The following RPS6KA3 variants were observed in gnomAD, a reference collection of about 807,000 sequenced individuals.
RPS6KA3 encodes the protein ribosomal protein S6 kinase alpha-3.
RPS6KA3 carries 4 observed loss-of-function variants against 67.2 expected under a neutral mutation model. That is an observed-to-expected ratio of 0.06 (90% CI 0.03 to 0.14). The LOEUF is 0.14. RPS6KA3 is among the 10% of genes least tolerant of loss of function. The probability of loss-of-function intolerance (pLI) is 1.00; values close to 1 mark genes in which losing one functional copy is unlikely to be tolerated. For synonymous variants in RPS6KA3, 182 were observed against 183.7 expected, an observed-to-expected ratio of 0.99 and a Z score of 0.07; for missense variants, 204 against 559.0, an observed-to-expected ratio of 0.36 and a Z score of 6.40.
intron 10 of RPS6KA3, among the ~76,000 whole-genome samples, chrX:20,185,808 T>C (rs144834362): frequency 0.078 from 8,726 of 111,756 alleles, 851 homozygotes; most frequent in African/African-American, 0.27. Context: ...ACTATTAACA[T>C]GAAGATAATA....
intron 20 of RPS6KA3, among the ~76,000 whole-genome samples, chrX:20,160,885 C>T (rs1005544237): frequency 9.0e-6 from 1 of 111,659 alleles, no homozygotes; most frequent in African/African-American, 3.3e-5. Context: ...GCTTTCACCC[C>T]TAAGAAAAAA....
chrX:20,211,859 T>C (rs767674308), intron 2 of RPS6KA3, among the ~76,000 whole-genome samples: 1 of 112,384 alleles, frequency 8.9e-6, no homozygotes, highest in East Asian at 2.8e-4. Flanking sequence ...CTTTAAATCA[T>C]GAGGTCATGA....
intron 2 of RPS6KA3, among the ~76,000 whole-genome samples, chrX:20,219,315 T>G (rs1334918682): frequency 1.8e-5 from 2 of 111,614 alleles, no homozygotes; most frequent in African/African-American, 6.5e-5. Flanking sequence ...AGTGTGTTTA[T>G]ACACACACTC....
chrX:20,159,097 T>C (rs1369217574), intron 20 of RPS6KA3, among the ~76,000 whole-genome samples: 1 of 112,376 alleles, frequency 8.9e-6, no homozygotes, highest in African/African-American at 3.2e-5. Context: ...ACATACATTA[T>C]AACTGCTTTT....
chrX:20,151,181 C>T lies in RPS6KA3; in HGVS notation c.*4217G>A, dbSNP rs2067097955. The T allele has an allele frequency of 8.9e-6, 1 of 112,623 alleles. No individual in the cohort carries two copies. Among genetic ancestry groups the T allele is most frequent in the Non-Finnish European group, 1.9e-5 (1 of 53,251 alleles). The allele number at this position is 112,623 out of a possible 1,213,427, so 9.3% of individuals were successfully genotyped here. A position where few individuals can be genotyped will look rare whatever the true frequency, so the allele number is the denominator to read the frequency against. ...ACAGCAGTGTCAAAAACACATAAAG[C>T]ACACCGTAGATACAAATTCTTCTTG... is the stretch of plus-strand genomic sequence containing the variant. On this transcript the variant is annotated 3_prime_UTR_variant, in exon 22 of 22. Transcript: ENST00000379565.
chrX:20,183,578 T>C (rs191107772), intron 10 of RPS6KA3, among the ~76,000 whole-genome samples: 95 of 112,047 alleles, frequency 8.5e-4, no homozygotes, highest in African/African-American at 3.0e-3. Context: ...TCCACATATA[T>C]AGATCTGTTT....
chrX:20,195,752 AAACTT>A (rs1264416250), intron 4 of RPS6KA3, among the ~76,000 whole-genome samples: 4 of 111,872 alleles, frequency 3.6e-5, no homozygotes, highest in East Asian at 2.8e-4. Context: ...TTTTTGAAAA[AAACTT>A]AAGCATCACA....
intron 1 of RPS6KA3, among the ~76,000 whole-genome samples, chrX:20,245,811 G>A (rs1446068582): frequency 9.0e-6 from 1 of 111,324 alleles, no homozygotes; most frequent in Non-Finnish European, 1.9e-5. Context: ...CACCTTAGAG[G>A]ATGCCTGTGA....
intron 2 of RPS6KA3, among the ~76,000 whole-genome samples, chrX:20,232,074 A>C (rs1055278098): frequency 3.6e-5 from 4 of 112,349 alleles, no homozygotes; most frequent in Non-Finnish European, 5.6e-5. Context: ...ATAACAGGCT[A>C]TCTATTTGGA....
chrX:20,246,122 GAAAAAAA>G (rs5901672), intron 1 of RPS6KA3, among the ~76,000 whole-genome samples: 1,030 of 52,831 alleles, frequency 0.019, 6 homozygotes, highest in Middle Eastern at 0.038. Flanking sequence ...TCTCGGAAAA[GAAAAAAA>G]AAAAAAAAAA....
At chrX:20,218,721 C>T (rs1007539789) in intron 2 of RPS6KA3, 12 of 689,779 alleles carry the variant, frequency 1.7e-5, no homozygotes, top group African/African-American at 4.4e-5. Context: ...ACATATAAAA[C>T]GAAATAACTA....
chrX:20,261,357 T>C (rs2070223889), intron 1 of RPS6KA3, among the ~76,000 whole-genome samples: 2 of 112,292 alleles, frequency 1.8e-5, no homozygotes, highest in Non-Finnish European at 3.8e-5. Flanking sequence ...CCAAATACCC[T>C]GATGTGATCA....
intron 2 of RPS6KA3, among the ~76,000 whole-genome samples, chrX:20,212,496 C>T (rs190791525): frequency 1.6e-3 from 174 of 110,661 alleles, no homozygotes; most frequent in African/African-American, 5.4e-3. Flanking sequence ...AGAGAGACAC[C>T]ATCTCAAAAC....
At chrX:20,235,232 A>G (rs1279798537) in intron 1 of RPS6KA3, among the ~76,000 whole-genome samples, 1 of 111,235 alleles carries the variant, frequency 9.0e-6, no homozygotes, top group Non-Finnish European at 1.9e-5. Flanking sequence ...CCCAATCTCT[A>G]CATCAAAATA....
chrX:20,184,572 A>G (rs764572059), intron 10 of RPS6KA3, among the ~76,000 whole-genome samples: 1 of 106,583 alleles, frequency 9.4e-6, no homozygotes, highest in African/African-American at 3.4e-5. Flanking sequence ...CATCTGGCTA[A>G]TTTTTTTATC....
Position 20,155,342 on chromosome X carries a change from C to T in RPS6KA3, c.*56G>A. 3 of 1,198,971 alleles carry T rather than the reference C, an allele frequency of 2.5e-6. No individual in the cohort carries two copies. The highest frequency in any genetic ancestry group is 3.4e-6 in the Non-Finnish European group (3 of 884,458). ...TCTCTCAGATACGTGCTACCTGTCGCCAGAACTTGTGCTATCAGCTTACAC... is the reference window on the plus strand; with the variant it reads ...TCTCTCAGATACGTGCTACCTGTCGTCAGAACTTGTGCTATCAGCTTACAC... On this transcript the variant is annotated 3_prime_UTR_variant, in exon 22 of 22. Coordinates refer to ENST00000379565, the MANE Select transcript of RPS6KA3 (RefSeq NM_004586.3).
intron 2 of RPS6KA3, among the ~76,000 whole-genome samples, chrX:20,211,540 G>GA (rs369429918): frequency 1.0e-4 from 7 of 70,010 alleles, no homozygotes; most frequent in Non-Finnish European, 2.0e-4. Context: ...TCCTTAGCAG[G>GA]AAAAAAAAAC....
At chrX:20,257,592 T>C (rs973801018) in intron 1 of RPS6KA3, among the ~76,000 whole-genome samples, 4 of 112,312 alleles carry the variant, frequency 3.6e-5, no homozygotes, top group East Asian at 2.8e-4. Flanking sequence ...TAAAATTATA[T>C]GCTAAAAAAA....
intron 2 of RPS6KA3, among the ~76,000 whole-genome samples, chrX:20,232,574 AAAAC>A (rs751283480): frequency 3.3e-4 from 37 of 111,783 alleles, no homozygotes; most frequent in Admixed American, 5.7e-4. Context: ...TCCGTCTCAA[AAAAC>A]AAACAAACAA....
Sources: allele counts gnomAD v4.1 joint callset (sites outside exome capture counted in the v4.1 genomes callset), GRCh38; gene constraint gnomAD v4.1.1; transcripts MANE v1.5; gene names NCBI Gene and HGNC (gene_info 2026-07-23, HGNC 2026-07-21).